The following FNIP2 variants were observed in gnomAD, a reference collection of about 807,000 sequenced individuals.
The protein encoded by FNIP2 is folliculin interacting protein 2, also known as folliculin-interacting protein 2.
FNIP2 carries 32 observed loss-of-function variants against 108.7 expected under a neutral mutation model. The observed-to-expected ratio is 0.29, with a 90% CI of 0.22 to 0.40. The LOEUF (loss-of-function observed/expected upper bound fraction) is 0.40. Among genes scored for constraint, FNIP2 ranks in the 10% least tolerant of loss-of-function variants. FNIP2 has a pLI of 1.00. For synonymous variants in FNIP2, 480 were observed against 496.7 expected, an observed-to-expected ratio of 0.97 and a Z score of 0.45; for missense variants, 1,202 against 1,381.6, an observed-to-expected ratio of 0.87 and a Z score of 2.06.
chr4:158,802,484 A>G (rs758671925), intron 1 of FNIP2, among the ~76,000 whole-genome samples: 1 of 152,094 alleles, frequency 6.6e-6, no homozygotes, highest in Non-Finnish European at 1.5e-5. Flanking sequence ...AGGGAGCTGT[A>G]TTAAGTCTTA....
At chr4:158,865,140 C>T (rs899572549) in intron 12 of FNIP2, among the ~76,000 whole-genome samples, 6 of 152,162 alleles carry the variant, frequency 3.9e-5, no homozygotes, top group African/African-American at 1.4e-4. Context: ...GCTTTTTCCC[C>T]ATTTGCCTCT....
intron 14 of FNIP2, among the ~76,000 whole-genome samples, chr4:158,880,443 G>T (rs1781526488): frequency 6.6e-6 from 1 of 152,154 alleles, no homozygotes; most frequent in African/African-American, 2.4e-5. Flanking sequence ...ACCTGTGGTG[G>T]AGTGGGGGGA....
intron 7 of FNIP2, among the ~76,000 whole-genome samples, chr4:158,839,422 A>T (rs1778996563): frequency 1.3e-5 from 2 of 151,948 alleles, no homozygotes; most frequent in Admixed American, 1.3e-4. Flanking sequence ...CTCTTGTGTG[A>T]TCATAGCTCA....
At chr4:158,794,330 T>A (rs962045437) in intron 1 of FNIP2, among the ~76,000 whole-genome samples, 9 of 150,964 alleles carry the variant, frequency 6.0e-5, no homozygotes, top group South Asian at 4.2e-4. Flanking sequence ...AAAAAAAAAT[T>A]TTTTTTGTAG....
intron 13 of FNIP2, 103 bp downstream of exon 13, chr4:158,869,531 C>A: frequency 7.2e-7 from 1 of 1,380,848 alleles, no homozygotes; most frequent in Non-Finnish European, 9.5e-7. Context: ...CTGCTTTACA[C>A]ACAGTATCTT....
chr4:158,781,670 A>T (rs1397489274), intron 1 of FNIP2, among the ~76,000 whole-genome samples: 1 of 152,090 alleles, frequency 6.6e-6, no homozygotes, highest in Admixed American at 6.5e-5. Flanking sequence ...GCATGCCACC[A>T]TGCTTGGCTA....
At chr4:158,867,047 AG>A (rs1453795696) in intron 12 of FNIP2, among the ~76,000 whole-genome samples, 1 of 152,244 alleles carries the variant, frequency 6.6e-6, no homozygotes, top group African/African-American at 2.4e-5. Flanking sequence ...TTTGATGAAA[AG>A]CTTATTGCTG....
intron 14 of FNIP2, among the ~76,000 whole-genome samples, chr4:158,871,115 C>T (rs533897251): frequency 1.2e-3 from 181 of 152,324 alleles, no homozygotes; most frequent in Non-Finnish European, 1.8e-3. Context: ...ATTAAGTTCA[C>T]TTTGATGGCT....
At chr4:158,878,561 T>C (rs1473502208) in intron 14 of FNIP2, among the ~76,000 whole-genome samples, 1 of 152,216 alleles carries the variant, frequency 6.6e-6, no homozygotes, top group Admixed American at 6.5e-5. Flanking sequence ...TTTAGGACTC[T>C]GGCAGAAGGA....
At chr4:158,896,568 C>G (rs956002187) in intron 16 of FNIP2, among the ~76,000 whole-genome samples, 2 of 152,086 alleles carry the variant, frequency 1.3e-5, no homozygotes, top group African/African-American at 4.8e-5. Flanking sequence ...TTTATAATGT[C>G]GACGTTTAAA....
chr4:158,801,841 G>C (rs530063185), intron 1 of FNIP2, among the ~76,000 whole-genome samples: 1 of 152,150 alleles, frequency 6.6e-6, no homozygotes, highest in African/African-American at 2.4e-5. Flanking sequence ...AACTGGTATC[G>C]TGAGGATGGC....
chr4:158,835,578 C>G, intron 7 of FNIP2, 102 bp downstream of exon 7: 1 of 1,036,578 alleles, frequency 9.6e-7, no homozygotes. Context: ...TCATCCTGTT[C>G]TTTGTTTTTT....
At chr4:158,848,320 A>G (rs1779517889) in intron 7 of FNIP2, among the ~76,000 whole-genome samples, 1 of 152,208 alleles carries the variant, frequency 6.6e-6, no homozygotes, top group Non-Finnish European at 1.5e-5. Flanking sequence ...TTTGGGACAA[A>G]GTAAAGGAAG....
In FNIP2 at chr4:158,882,223, G is replaced by A. The variant is rs1293185017; in HGVS notation, c.2950-9223G>A. Among the ~76,000 whole-genome samples the A allele has an allele frequency of 4.6e-5, 7 of 150,604 alleles. No individual in the cohort carries two copies. In the South Asian group the frequency reaches 6.3e-4, roughly 14 times the overall value. ...CGTCTGAGAAGTGAGGAGCCCCTCC[G>A]CCCGGCAGCCGCCCCGTCTGAGAAG... On this transcript the variant is annotated intron_variant, in intron 14 of 16. Coordinates refer to ENST00000264433, the MANE Select transcript of FNIP2 (RefSeq NM_020840.3).
Position 158,868,428 on chromosome 4 carries a change from T to C in FNIP2, c.1792T>C (p.Phe598Leu), listed in dbSNP as rs2126701962. The C allele has an allele frequency of 6.2e-7, 1 of 1,613,886 alleles. No individual in the cohort carries two copies. The highest frequency in any genetic ancestry group is 8.5e-7 in the Non-Finnish European group (1 of 1,179,886). The stretch of plus-strand genomic sequence containing the variant: ...GAGACACAACCCCTGGCCGACAGGG[T>C]TTCCTGAGTGCCCAGAGGGCACTGA... ...AERHNPWPTGFPECPEGTDSR... is the reference protein window; with the variant it reads ...AERHNPWPTGLPECPEGTDSR... The change falls in exon 13 of 17, where the codon TTT (phenylalanine) becomes CTT (leucine). Residue 598 changes from phenylalanine (F) to leucine (L), a missense_variant. Around this residue, in one of 5 missense-constraint regions of FNIP2, gnomAD observed 878 missense variants for 990.3 expected, o/e 0.89. Coordinates refer to ENST00000264433, the MANE Select transcript of FNIP2 (RefSeq NM_020840.3). The surrounding 1 kb of genome is among the most constrained non-coding windows in gnomAD (Gnocchi z 4.6).
chr4:158,847,598 G>T (rs1779474603), intron 7 of FNIP2, among the ~76,000 whole-genome samples: 1 of 152,186 alleles, frequency 6.6e-6, no homozygotes. Flanking sequence ...ACATGACCTA[G>T]CACAGTCACT....
Position 158,835,387 on chromosome 4 carries a change from C to T in FNIP2, c.656-18C>T. The T allele has an allele frequency of 1.2e-6, 2 of 1,610,492 alleles. No homozygotes were observed. The highest frequency in any genetic ancestry group is 1.7e-6 in the Non-Finnish European group (2 of 1,177,668). ...CTGAAGAGCCCAATAACATGGTTTT[C>T]TTGTTCCTTTATCTTAGCACACAGC... is the stretch of plus-strand genomic sequence containing the variant. On this transcript the variant is annotated intron_variant, in intron 6 of 16. Coordinates refer to ENST00000264433, the MANE Select transcript of FNIP2 (RefSeq NM_020840.3).
At chr4:158,801,805 G>A (rs567341531) in intron 1 of FNIP2, among the ~76,000 whole-genome samples, 1 of 152,258 alleles carries the variant, frequency 6.6e-6, no homozygotes, top group East Asian at 1.9e-4. Flanking sequence ...ATTAAGGTAG[G>A]TATGTTATTG....
rs1039782369 is a variant in FNIP2 at position 158,790,373 on chromosome 4, T to A, written c.107+21054T>A. ...ATTCTATAAAAACCAGGTTAACTTA[T>A]AGCCATTATTCTTAATAAATATTTT... On this transcript the variant is annotated intron_variant, in intron 1 of 16. Transcript: ENST00000264433. Among the ~76,000 whole-genome samples the A allele has an allele frequency of 2.0e-5, 3 of 151,956 alleles. No individual in the cohort carries two copies. The East Asian group carries it at 5.9e-4, about 30-fold the overall frequency.
Sources: allele counts gnomAD v4.1 joint callset (sites outside exome capture counted in the v4.1 genomes callset), GRCh38; gene constraint gnomAD v4.1.1; regional missense constraint gnomAD v4.1.1; non-coding constraint Gnocchi (gnomAD v3.1); transcripts MANE v1.5; gene names NCBI Gene and HGNC (gene_info 2026-07-23, HGNC 2026-07-21).